PDK4: variants seen among roughly 807,000 people sequenced by gnomAD.
PDK4 encodes the protein pyruvate dehydrogenase kinase 4.
A neutral mutation model predicts 51.7 loss-of-function variants in PDK4; 43 were observed. The observed-to-expected ratio is 0.83, with a 90% CI of 0.65 to 1.07. PDK4 has a LOEUF of 1.07. Ranked by LOEUF, PDK4 falls within the 50% of genes least tolerant of loss-of-function variation. The probability of loss-of-function intolerance (pLI) is 0.00; values close to 1 mark genes in which losing one functional copy is unlikely to be tolerated. For synonymous variants in PDK4, 170 were observed against 176.6 expected (o/e 0.96, Z 0.30); for missense variants, 498 against 503.5 (o/e 0.99, Z 0.10).
Position 95,585,419 on chromosome 7 carries a change from A to T in PDK4, c.*222T>A. ...ATAAACTCAGGAGTTATTCTACATTAAAAAATAAGGAGCTGGCCATCTGTT... is the reference window on the plus strand; with the variant it reads ...ATAAACTCAGGAGTTATTCTACATTTAAAAATAAGGAGCTGGCCATCTGTT... On this transcript the variant is annotated 3_prime_UTR_variant, in exon 11 of 11. Coordinates refer to ENST00000005178, the MANE Select transcript of PDK4 (RefSeq NM_002612.4). 2.6e-6 allele frequency: 1 copy of T among 380,496 alleles called. No individual in the cohort carries two copies. Among genetic ancestry groups the T allele is most frequent in the Non-Finnish European group, 4.7e-6 (1 of 213,054 alleles). 23.6% of individuals were successfully genotyped at this position (380,496 alleles called of 1,614,324 possible). A position where few individuals can be genotyped will look rare whatever the true frequency, so the allele number is the denominator to read the frequency against.
chr7:95,592,622 A>T lies in PDK4; in HGVS notation c.530-25T>A, dbSNP rs752080168. The stretch of plus-strand genomic sequence containing the variant: ...ACTGTTGAAAAATAAAAACAAAAAA[A>T]AATTGTTATAAAATTCAGGATAATG... On this transcript the variant is annotated intron_variant, in intron 4 of 10. Transcript: ENST00000005178. 4 of 1,531,316 alleles carry T rather than the reference A, an allele frequency of 2.6e-6. No homozygotes were observed. In the East Asian group the frequency reaches 6.7e-5, roughly 26 times the overall value. The allele number at this position is 1,531,316 out of a possible 1,614,324, so 94.9% of individuals were successfully genotyped here.
chr7:95,595,314 C>T (rs562078853), intron 1 of PDK4, 150 bp from the exon 2 acceptor site: 4 of 515,024 alleles, frequency 7.8e-6, no homozygotes, highest in African/African-American at 3.9e-5. Flanking sequence ...AATTCAGGGG[C>T]GATTGTCTCC....
chr7:95,587,183 G>T, intron 9 of PDK4, 60 bp from the exon 10 acceptor site: 7 of 1,007,576 alleles, frequency 6.9e-6, no homozygotes, highest in Non-Finnish European at 1.1e-5. Flanking sequence ...ATACAAACAA[G>T]CAGGAAATTA....
rs961242410 is a variant in PDK4 at position 95,593,732 on chromosome 7, T to G, written c.311A>C (p.Glu104Ala). 3 of 1,567,322 alleles carry G rather than the reference T, an allele frequency of 1.9e-6. No individual in the cohort carries two copies. The highest frequency in any genetic ancestry group is 2.7e-5 in the African/African-American group (2 of 74,020). ...QSLMDLVEFH[E>A]KSPDDQKALS... ...TGCTTTCTGGTCATCTGGGCTTTTCTCATGGAATTCCACCAAATCCATCAG... is the reference window on the plus strand; with the variant it reads ...TGCTTTCTGGTCATCTGGGCTTTTCGCATGGAATTCCACCAAATCCATCAG... Residue 104 changes from glutamate to alanine, a missense_variant, in exon 3 of 11, where the codon GAG (glutamate) becomes GCG (alanine). Physicochemically the swap from Glu to Ala is moderately radical, Grantham distance 107. Coordinates refer to ENST00000005178, the MANE Select transcript of PDK4 (RefSeq NM_002612.4).
chr7:95,587,884 T>G (rs1040757832), intron 7 of PDK4, 59 bp from the exon 8 acceptor site: 31 of 1,031,658 alleles, frequency 3.0e-5, no homozygotes, highest in Non-Finnish European at 1.6e-5. Flanking sequence ...CAATAAATGT[T>G]TTTTTTTTTA....
intron 2 of PDK4, among the ~76,000 whole-genome samples, chr7:95,594,556 C>T (rs1057830): frequency 0.017 from 2,655 of 152,154 alleles, 33 homozygotes; most frequent in Non-Finnish European, 0.027. Context: ...GTTTAAGACA[C>T]TTGCCAAGGA....
At chr7:95,593,016 A>T in intron 3 of PDK4, 72 bp from the exon 4 acceptor site, 4 of 1,048,960 alleles carry the variant, frequency 3.8e-6, no homozygotes. Context: ...AGGTTACTTC[A>T]CAGAAGGCTA....
intron 1 of PDK4, among the ~76,000 whole-genome samples, chr7:95,595,667 C>T (rs1791610010): frequency 6.6e-6 from 1 of 152,046 alleles, no homozygotes; most frequent in South Asian, 2.1e-4. Context: ...AGCAACAATG[C>T]AAATATATGG....
In PDK4 at chr7:95,596,310, C is replaced by T; in HGVS notation, c.-17G>A. On this transcript the variant is annotated 5_prime_UTR_variant, in exon 1 of 11. Coordinates refer to ENST00000005178, the MANE Select transcript of PDK4 (RefSeq NM_002612.4). ...CGCCTTCATCTTGACGCCCACCCGG[C>T]CTGGCGGGGACTGTGGCTGGCTTGA... 1.3e-6 allele frequency: 2 copies of T among 1,561,234 alleles called. No homozygotes were observed. The highest frequency in any genetic ancestry group is 2.5e-5 in the East Asian group (1 of 40,278).
chr7:95,587,801 G>A lies in PDK4; in HGVS notation c.796C>T (p.His266Tyr), dbSNP rs774099052. 1.2e-6 allele frequency: 2 copies of A among 1,612,762 alleles called. No homozygotes were observed. Among genetic ancestry groups the A allele is most frequent in the Admixed American group, 1.7e-5 (1 of 60,000 alleles). ...FKNAMRATVEHQENQPSLTPI... is the reference protein window; with the variant it reads ...FKNAMRATVEYQENQPSLTPI... ...GTAAGGGAAGGCTGATTTTCCTGGT[G>A]TTCAACTGTTGCCCGCATTGCATTC... Residue 266 changes from histidine to tyrosine, a missense_variant, in exon 8 of 11, where the codon CAC becomes TAC. Coordinates refer to ENST00000005178, the MANE Select transcript of PDK4 (RefSeq NM_002612.4).
intron 6 of PDK4, among the ~76,000 whole-genome samples, chr7:95,591,677 C>G (rs1791554115): frequency 6.6e-6 from 1 of 152,220 alleles, no homozygotes; most frequent in Non-Finnish European, 1.5e-5. Flanking sequence ...CTTCTGGTCT[C>G]TTTATCCCTC....
intron 10 of PDK4, among the ~76,000 whole-genome samples, chr7:95,586,137 C>T (rs913704718): frequency 4.0e-5 from 6 of 150,360 alleles, no homozygotes; most frequent in Non-Finnish European, 7.4e-5. Flanking sequence ...AGAATCAAGA[C>T]AGTGATCTTA....
At position 95,595,168 on chromosome 7, in the gene PDK4, TAATA is replaced by T; in HGVS notation, c.131-8_131-5del. On this transcript the variant is annotated splice_region_variant and splice_polypyrimidine_tract_variant and intron_variant, in intron 1 of 10. Transcript: ENST00000005178. ...CTTTCACATGCATTTTCTGAACCTA[TAATA>T]AATGAAATCAATTTAGTTTTGAGAA... 1.9e-6 allele frequency: 3 copies of T among 1,606,594 alleles called. No homozygotes were observed. The highest frequency in any genetic ancestry group is 2.6e-6 in the Non-Finnish European group (3 of 1,173,790).
At position 95,585,790 on chromosome 7, in the gene PDK4, A is replaced by C. The variant is rs1791473869; in HGVS notation, c.1096-9T>G. 2 of 1,576,202 alleles carry C rather than the reference A, an allele frequency of 1.3e-6. No homozygotes were observed. Among genetic ancestry groups the C allele is most frequent in the Non-Finnish European group, 1.7e-6 (2 of 1,152,446 alleles). On this transcript the variant is annotated splice_polypyrimidine_tract_variant and intron_variant, in intron 10 of 10. Transcript: ENST00000005178. ...GACTCAGAAGACAAAGCCTAAAAGA[A>C]AAGGGGGGAAAAACATGAGACCAAA...
At chr7:95,592,732 A>AT in intron 4 of PDK4, 28 bp downstream of exon 4, 1 of 1,572,904 alleles carries the variant, frequency 6.4e-7, no homozygotes, top group Non-Finnish European at 8.7e-7. Flanking sequence ...CCATGTCTAT[A>AT]TACCATGATC....
At chr7:95,590,105 TG>T (rs1038986891) in intron 6 of PDK4, among the ~76,000 whole-genome samples, 107 of 152,300 alleles carry the variant, frequency 7.0e-4, no homozygotes, top group African/African-American at 2.4e-3. Context: ...TGTGTGAAGT[TG>T]GGTAAGTGTG....
At chr7:95,589,845 C>G (rs1791530626) in intron 6 of PDK4, 129 bp from the exon 7 acceptor site, 1 of 617,000 alleles carries the variant, frequency 1.6e-6, no homozygotes, top group South Asian at 2.1e-5. Flanking sequence ...ATCCCCAAAT[C>G]CTGCCCTAGA....
intron 7 of PDK4, among the ~76,000 whole-genome samples, chr7:95,589,372 A>G (rs1383158037): frequency 1.3e-5 from 2 of 152,194 alleles, no homozygotes; most frequent in African/African-American, 4.8e-5. Flanking sequence ...TGGGCACCTG[A>G]AAAAATAATA....
At chr7:95,595,480 T>A (rs1235454652) in intron 1 of PDK4, among the ~76,000 whole-genome samples, 6 of 152,162 alleles carry the variant, frequency 3.9e-5, no homozygotes. Context: ...GACTGCAGGA[T>A]TCGGTCACAC....
Sources: allele counts gnomAD v4.1 joint callset (sites outside exome capture counted in the v4.1 genomes callset), GRCh38; gene constraint gnomAD v4.1.1; transcripts MANE v1.5; gene names NCBI Gene and HGNC (gene_info 2026-07-23, HGNC 2026-07-21).